The following RBFOX1 variants were observed in gnomAD, a reference collection of about 807,000 sequenced individuals.
The protein encoded by RBFOX1 is RNA binding protein fox-1 homolog 1.
RBFOX1 carries 8 observed loss-of-function variants against 57.7 expected under a neutral mutation model. The ratio of observed to expected loss-of-function variants is 0.14; its 90% CI spans 0.08 to 0.25. The LOEUF is 0.25. Among genes scored for constraint, RBFOX1 ranks in the 10% least tolerant of loss-of-function variants. The pLI is 1.00. For synonymous variants in RBFOX1, 326 were observed against 222.4 expected, an observed-to-expected ratio of 1.47 and a Z score of -4.15; for missense variants, 611 against 548.5, an observed-to-expected ratio of 1.11 and a Z score of -1.14.
intron 4 of RBFOX1, among the ~76,000 whole-genome samples, chr16:7,313,187 GTC>G (rs925733222): frequency 1.1e-4 from 17 of 152,166 alleles, no homozygotes; most frequent in African/African-American, 4.1e-4. Flanking sequence ...TCTATCTATT[GTC>G]TCTGCTTAAA....
intron 3 of RBFOX1, among the ~76,000 whole-genome samples, chr16:6,741,783 A>C (rs1249606872): frequency 2.6e-5 from 4 of 152,168 alleles, no homozygotes; most frequent in Non-Finnish European, 4.4e-5. Flanking sequence ...ATAAAGAATT[A>C]ATATCTATAA....
chr16:6,691,894 A>G (rs1014972841), intron 3 of RBFOX1, among the ~76,000 whole-genome samples: 3 of 151,228 alleles, frequency 2.0e-5, no homozygotes, highest in African/African-American at 7.4e-5. Flanking sequence ...GGTCAGAAAG[A>G]TGCTACTTTT....
intron 4 of RBFOX1, among the ~76,000 whole-genome samples, chr16:7,079,881 T>A (rs143711671): frequency 1.1e-3 from 174 of 151,864 alleles, no homozygotes; most frequent in African/African-American, 4.0e-3. Context: ...AGAATTCCAG[T>A]TTTGCAAGAT....
intron 2 of RBFOX1, among the ~76,000 whole-genome samples, chr16:5,565,296 C>G (rs1363049222): frequency 1.3e-5 from 2 of 152,070 alleles, no homozygotes; most frequent in Non-Finnish European, 2.9e-5. Flanking sequence ...TGCGTGTGTT[C>G]ATGTGCATGC....
intron 4 of RBFOX1, among the ~76,000 whole-genome samples, chr16:7,064,410 C>T (rs1324072180): frequency 6.6e-6 from 1 of 152,058 alleles, no homozygotes; most frequent in Non-Finnish European, 1.5e-5. Flanking sequence ...CTCAGGTGAG[C>T]TGCCTGCCTC....
At chr16:5,710,491 G>A (rs559130457) in intron 3 of RBFOX1, among the ~76,000 whole-genome samples, 54 of 152,268 alleles carry the variant, frequency 3.5e-4, no homozygotes, top group African/African-American at 1.2e-3. Flanking sequence ...AAGTCACAAT[G>A]CTGCCCTAAT....
At chr16:5,375,049 A>G (rs913720139) in intron 1 of RBFOX1, among the ~76,000 whole-genome samples, 1 of 130,284 alleles carries the variant, frequency 7.7e-6, no homozygotes, top group Non-Finnish European at 1.5e-5. Flanking sequence ...GTAGTTCCTG[A>G]TCTGTGTCCT....
At chr16:6,139,297 T>C (rs2152695694) in intron 1 of RBFOX1, among the ~76,000 whole-genome samples, 1 of 151,990 alleles carries the variant, frequency 6.6e-6, no homozygotes, top group East Asian at 1.9e-4. Context: ...TTTCAGGAAG[T>C]ATAAGGAGGT....
intron 4 of RBFOX1, among the ~76,000 whole-genome samples, chr16:7,512,070 T>C: frequency 6.6e-6 from 1 of 152,264 alleles, no homozygotes; most frequent in Non-Finnish European, 1.5e-5. Flanking sequence ...ACTCTGCAGA[T>C]ATCAGAAGCT....
intron 4 of RBFOX1, among the ~76,000 whole-genome samples, chr16:5,943,380 G>A (rs1157255302): frequency 6.6e-6 from 1 of 152,142 alleles, no homozygotes; most frequent in Non-Finnish European, 1.5e-5. Flanking sequence ...GCCTTGTAGG[G>A]TTTCCCTGGG....
intron 4 of RBFOX1, among the ~76,000 whole-genome samples, chr16:7,071,167 G>A (rs1485729593): frequency 6.6e-6 from 1 of 152,108 alleles, no homozygotes; most frequent in Non-Finnish European, 1.5e-5. Context: ...CTTCCGTTTT[G>A]ACTAGTATTG....
chr16:5,692,699 G>C (rs977082589), intron 3 of RBFOX1, among the ~76,000 whole-genome samples: 1 of 152,134 alleles, frequency 6.6e-6, no homozygotes, highest in Non-Finnish European at 1.5e-5. Flanking sequence ...GCCTCATCTA[G>C]TAGTTCTTTG....
intron 4 of RBFOX1, among the ~76,000 whole-genome samples, chr16:7,413,539 C>T (rs932883144): frequency 6.6e-6 from 1 of 152,070 alleles, no homozygotes; most frequent in Non-Finnish European, 1.5e-5. Flanking sequence ...CCTCTGTCTC[C>T]TTGTAAGGCT....
At chr16:7,702,740 G>C (rs1203990159) in intron 14 of RBFOX1, among the ~76,000 whole-genome samples, 2 of 152,168 alleles carry the variant, frequency 1.3e-5, no homozygotes, top group African/African-American at 4.8e-5. Flanking sequence ...ACTTGGTCTG[G>C]AATGTATGTT....
At chr16:7,090,267 G>A (rs2060608001) in intron 4 of RBFOX1, among the ~76,000 whole-genome samples, 1 of 152,168 alleles carries the variant, frequency 6.6e-6, no homozygotes. Context: ...TCCTGTCATT[G>A]TTTCTTAAAT....
At chr16:7,250,274 G>A (rs942622764) in intron 4 of RBFOX1, among the ~76,000 whole-genome samples, 1 of 152,230 alleles carries the variant, frequency 6.6e-6, no homozygotes, top group Non-Finnish European at 1.5e-5. Flanking sequence ...AAATAACACT[G>A]AAGAGTAAAA....
intron 4 of RBFOX1, among the ~76,000 whole-genome samples, chr16:7,500,286 T>A (rs2070294852): frequency 6.6e-6 from 1 of 152,180 alleles, no homozygotes; most frequent in East Asian, 1.9e-4. Context: ...AACTGTTTGG[T>A]TTCAATTCTG....
intron 2 of RBFOX1, among the ~76,000 whole-genome samples, chr16:5,575,179 C>T (rs1257479638): frequency 6.6e-6 from 1 of 152,210 alleles, no homozygotes; most frequent in Non-Finnish European, 1.5e-5. Flanking sequence ...ACCCTAAACA[C>T]ACCCTAACTT....
intron 1 of RBFOX1, among the ~76,000 whole-genome samples, chr16:6,098,576 C>G (rs2096270991): frequency 1.3e-5 from 2 of 152,186 alleles, no homozygotes; most frequent in Non-Finnish European, 2.9e-5. Context: ...CTGCAGAAAC[C>G]CTGCTTCAGT....
Sources: allele counts gnomAD v4.1 joint callset (sites outside exome capture counted in the v4.1 genomes callset), GRCh38; gene constraint gnomAD v4.1.1; transcripts MANE v1.5; gene names NCBI Gene and HGNC (gene_info 2026-07-23, HGNC 2026-07-21).